Variants in POMZP3 observed in about 807,000 individuals in gnomAD.
POMZP3 encodes the protein POM121 and ZP3 fusion protein.
In POMZP3, 10 loss-of-function variants were observed where a neutral mutation model predicts 19.8. The observed-to-expected ratio is 0.51, with a 90% CI of 0.31 to 0.86. The LOEUF is 0.86. Ranked by LOEUF, POMZP3 falls within the 40% of genes least tolerant of loss-of-function variation. The probability of loss-of-function intolerance (pLI) is 0.04; values close to 1 mark genes in which losing one functional copy is unlikely to be tolerated. For synonymous variants in POMZP3, 57 were observed against 85.8 expected (o/e 0.66, Z 1.85); for missense variants, 152 against 228.1 (o/e 0.67, Z 2.15).
intron 3 of POMZP3, among the ~76,000 whole-genome samples, chr7:76,623,165 C>G (rs562735704): frequency 6.7e-6 from 1 of 149,880 alleles, no homozygotes; most frequent in Non-Finnish European, 1.5e-5. Flanking sequence ...AGCCACCGCA[C>G]CCAGCCCAAA....
Position 76,611,517 on chromosome 7 carries a change from G to C in POMZP3, c.512C>G (p.Ser171Cys). The change falls in exon 6 of 7, where the codon TCC becomes TGC. Residue 171 changes from serine (S) to cysteine (C), a missense_variant. Coordinates refer to ENST00000310842, the MANE Select transcript of POMZP3 (RefSeq NM_012230.5). The part of the protein sequence containing the change: ...NKGDCGTPSH[S>C]RRQPRVVSQW... ...GCTCACGACACGAGGCTGCCTCCTG[G>C]AATGGCTTGGAGTGCCACAGTCACC... 1.2e-6 allele frequency: 2 copies of C among 1,605,144 alleles called. No homozygotes were observed. Among genetic ancestry groups the C allele is most frequent in the South Asian group, 1.1e-5 (1 of 90,920 alleles).
chr7:76,627,265 C>A lies in POMZP3; in HGVS notation c.-709G>T, dbSNP rs956592933. ...CCGCCGGAGACATCGCGGCTCCGCG[C>A]CGCGGAGGAGACTTAAATATCCCAG... On this transcript the variant is annotated 5_prime_UTR_variant, in exon 1 of 7. Coordinates refer to ENST00000310842, the MANE Select transcript of POMZP3 (RefSeq NM_012230.5). 1.1e-3 allele frequency: 1,523 copies of A among 1,353,986 alleles called. 41 individuals are homozygous for A. The African/African-American group carries it at 0.022, about 19-fold the overall frequency. 83.9% of individuals were successfully genotyped at this position (1,353,986 alleles called of 1,614,324 possible).
rs978538344 is a variant in POMZP3, at chr7:76,625,901, C to G, written c.65+99G>C. On this transcript the variant is annotated intron_variant, in intron 2 of 6. Transcript: ENST00000310842. ...TCTCATTCAAACAAGCAGATTCGTC[C>G]TTTCTTTTTTGCGTTGTAGTCATGT... 7.1e-6 allele frequency: 11 copies of G among 1,546,938 alleles called. No individual in the cohort carries two copies. The East Asian group carries it at 2.1e-4, about 30-fold the overall frequency.
chr7:76,623,527 G>A (rs1409559376), intron 3 of POMZP3, among the ~76,000 whole-genome samples: 2 of 147,906 alleles, frequency 1.4e-5, no homozygotes, highest in African/African-American at 2.5e-5. Flanking sequence ...AGCCTGGTGC[G>A]GTGGCTTATG....
intron 4 of POMZP3, among the ~76,000 whole-genome samples, chr7:76,613,206 C>T (rs1584340165): frequency 1.3e-5 from 1 of 75,420 alleles, no homozygotes; most frequent in Non-Finnish European, 2.9e-5. Flanking sequence ...TGAGCCACTG[C>T]GCCCGGCCAG....
chr7:76,613,190 C>T (rs1584340149), intron 4 of POMZP3, among the ~76,000 whole-genome samples: 2 of 74,266 alleles, frequency 2.7e-5, no homozygotes. Flanking sequence ...GCTGGGATTA[C>T]AGGCGTGAGC....
chr7:76,626,113 G>A lies in POMZP3; in HGVS notation c.-49C>T. ...CAGCCTTCTTGTGATAACCATTCCA[G>A]CACACTGTGGGAAGTACCCCCGGAC... is the stretch of plus-strand genomic sequence containing the variant. On this transcript the variant is annotated 5_prime_UTR_variant, in exon 2 of 7. Coordinates refer to ENST00000310842, the MANE Select transcript of POMZP3 (RefSeq NM_012230.5). 6.2e-7 allele frequency: 1 copy of A among 1,613,442 alleles called. No individual in the cohort carries two copies. Among genetic ancestry groups the A allele is most frequent in the East Asian group, 2.2e-5 (1 of 44,852 alleles).
chr7:76,611,117 G>A (rs1815072898), intron 6 of POMZP3, among the ~76,000 whole-genome samples: 1 of 143,664 alleles, frequency 7.0e-6, no homozygotes, highest in African/African-American at 2.7e-5. Context: ...CAGGTGACCT[G>A]CCCGCCTTGG....
In POMZP3 at chr7:76,622,762, A is replaced by C. The variant is rs3973004; in HGVS notation, c.227+2760T>G. On this transcript the variant is annotated intron_variant, in intron 3 of 6. Transcript: ENST00000310842. Reference sequence around the variant, plus strand: ...ATGATCACGGCTCACTGCAGCCTGGAACTCCTGAGCTCAAGCGATCTTCCT... The same window carrying C: ...ATGATCACGGCTCACTGCAGCCTGGCACTCCTGAGCTCAAGCGATCTTCCT... Among the ~76,000 whole-genome samples the C allele has an allele frequency of 6.5e-4, 98 of 151,766 alleles. 2 individuals carry two copies. The South Asian group carries it at 0.016, about 25-fold the overall frequency.
At position 76,625,372 on chromosome 7, in the gene POMZP3, G is replaced by T. The variant is rs1309851005; in HGVS notation, c.227+150C>A. On this transcript the variant is annotated intron_variant, in intron 3 of 6. Transcript: ENST00000310842. ...TGAAATGATCAGCATTAAAACCCCT[G>T]TTATTAGGTTCTTTCATGAAAGCCA... The T allele has an allele frequency of 1.4e-5, 18 of 1,272,688 alleles. 1 individual carries two copies. In the South Asian group the frequency reaches 2.4e-4, roughly 17 times the overall value. The allele number at this position is 1,272,688 out of a possible 1,614,324, so 78.8% of individuals were successfully genotyped here. A position where few individuals can be genotyped will look rare whatever the true frequency, so the allele number is the denominator to read the frequency against.
In POMZP3 at chr7:76,627,163, A is replaced by G; in HGVS notation, c.-607T>C. ...GTACAGTAGGAGGCCGACCAGCGAC[A>G]GGCCGAGAAGCGCCGCCCCGGCCGG... On this transcript the variant is annotated 5_prime_UTR_variant, in exon 1 of 7. Transcript: ENST00000310842. 1.4e-6 allele frequency: 2 copies of G among 1,446,400 alleles called. 1 individual carries two copies. Among genetic ancestry groups the G allele is most frequent in the Non-Finnish European group, 1.8e-6 (2 of 1,090,020 alleles). 89.6% of individuals were successfully genotyped at this position (1,446,400 alleles called of 1,614,324 possible). A position where few individuals can be genotyped will look rare whatever the true frequency, so the allele number is the denominator to read the frequency against.
At chr7:76,622,633 G>A (rs1452912063) in intron 3 of POMZP3, among the ~76,000 whole-genome samples, 1 of 151,328 alleles carries the variant, frequency 6.6e-6, no homozygotes, top group Non-Finnish European at 1.5e-5. Flanking sequence ...CAAAGTGCTG[G>A]GATTACAGGC....
At chr7:76,619,548 C>A (rs1815434198) in intron 3 of POMZP3, among the ~76,000 whole-genome samples, 1 of 148,974 alleles carries the variant, frequency 6.7e-6, no homozygotes, top group Non-Finnish European at 1.5e-5. Context: ...ATATTCCTGG[C>A]AGGGGTTCTT....
chr7:76,612,060 T>C (rs1362827080), intron 4 of POMZP3, among the ~76,000 whole-genome samples: 1 of 144,196 alleles, frequency 6.9e-6, no homozygotes, highest in East Asian at 2.0e-4. Context: ...TAGCTGGGCG[T>C]GGTGGTGGGT....
At chr7:76,610,800 T>G (rs1815052615) in intron 6 of POMZP3, among the ~76,000 whole-genome samples, 1 of 150,284 alleles carries the variant, frequency 6.7e-6, no homozygotes, top group Non-Finnish European at 1.5e-5. Context: ...CTCATGGGGC[T>G]CAAGCGATTT....
chr7:76,625,935 G>C, intron 2 of POMZP3, 65 bp downstream of exon 2: 1 of 1,601,246 alleles, frequency 6.2e-7, no homozygotes, highest in Non-Finnish European at 8.5e-7. Flanking sequence ...GTTGTCATAG[G>C]AACAACTGGA....
intron 6 of POMZP3, 123 bp from the exon 7 acceptor site, chr7:76,610,338 C>G (rs375389482): frequency 1.5e-5 from 18 of 1,179,660 alleles, no homozygotes; most frequent in East Asian, 1.4e-4. Flanking sequence ...GGCTAATAAA[C>G]AGTTTCTAGA....
At chr7:76,616,156 C>A (rs1474472943) in intron 4 of POMZP3, among the ~76,000 whole-genome samples, 1 of 135,924 alleles carries the variant, frequency 7.4e-6, no homozygotes, top group Admixed American at 7.5e-5. Context: ...TGGTGGCAGG[C>A]GCCTGCAATC....
At chr7:76,624,450 G>A (rs6946152) in intron 3 of POMZP3, among the ~76,000 whole-genome samples, 1,794 of 98,448 alleles carry the variant, frequency 0.018, 42 homozygotes, top group African/African-American at 0.083. Context: ...ACCACATAAG[G>A]AATTTTTTTT....
Sources: gnomAD v4.1 joint callset for allele counts (sites outside exome capture counted in the v4.1 genomes callset) on GRCh38, gnomAD v4.1.1 for gene constraint, MANE v1.5 for transcripts, NCBI Gene and HGNC (gene_info 2026-07-23, HGNC 2026-07-21) for gene names.